AUTS2: variants seen among roughly 807,000 people sequenced by gnomAD.
AUTS2 encodes the protein activator of transcription and developmental regulator AUTS2.
In AUTS2, 17 loss-of-function variants were observed where a neutral mutation model predicts 112.4. That is an observed-to-expected ratio of 0.15 (90% CI 0.10 to 0.23). The LOEUF (loss-of-function observed/expected upper bound fraction) is 0.23, where lower values mean the gene tolerates loss of function less well. Among genes scored for constraint, AUTS2 ranks in the 10% least tolerant of loss-of-function variants. The probability of loss-of-function intolerance (pLI) is 1.00; values close to 1 mark genes in which losing one functional copy is unlikely to be tolerated. For synonymous variants in AUTS2, 751 were observed against 702.7 expected, an observed-to-expected ratio of 1.07 and a Z score of -1.09; for missense variants, 1,510 against 1,701.6, an observed-to-expected ratio of 0.89 and a Z score of 1.98.
intron 4 of AUTS2, among the ~76,000 whole-genome samples, chr7:70,222,598 G>A (rs955214671): frequency 7.3e-5 from 11 of 151,316 alleles, no homozygotes; most frequent in Non-Finnish European, 1.5e-4. Context: ...ACAACTGGTA[G>A]AGTTTTTTTT....
chr7:70,746,430 G>C (rs564387036), intron 6 of AUTS2, among the ~76,000 whole-genome samples: 1 of 152,260 alleles, frequency 6.6e-6, no homozygotes, highest in Admixed American at 6.5e-5. Context: ...ACAGGAGTGA[G>C]CCACCACACC....
At chr7:69,628,155 C>A (rs1296386034) in intron 1 of AUTS2, among the ~76,000 whole-genome samples, 1 of 152,032 alleles carries the variant, frequency 6.6e-6, no homozygotes, top group Admixed American at 6.5e-5. Context: ...AAGAACAGTC[C>A]CCTGAAACGA....
intron 4 of AUTS2, among the ~76,000 whole-genome samples, chr7:70,333,504 A>G (rs1470803208): frequency 6.6e-6 from 1 of 152,232 alleles, no homozygotes; most frequent in African/African-American, 2.4e-5. Context: ...AGACACATGC[A>G]CACATATGTT....
chr7:70,593,330 T>A (rs931440272), intron 5 of AUTS2, among the ~76,000 whole-genome samples: 8 of 152,148 alleles, frequency 5.3e-5, no homozygotes, highest in Non-Finnish European at 8.8e-5. Context: ...TATTCCTGTT[T>A]TTATATCGTG....
chr7:69,665,973 T>C (rs1796015005), intron 1 of AUTS2, among the ~76,000 whole-genome samples: 1 of 152,150 alleles, frequency 6.6e-6, no homozygotes, highest in Non-Finnish European at 1.5e-5. Context: ...GGAGTTAGAG[T>C]GCTATGTCCT....
At chr7:70,665,394 G>A (rs1288510511) in intron 5 of AUTS2, among the ~76,000 whole-genome samples, 1 of 151,958 alleles carries the variant, frequency 6.6e-6, no homozygotes, top group South Asian at 2.1e-4. Context: ...CTCCTGAGTA[G>A]CCGAGACTAC....
chr7:70,706,501 C>T (rs1809746178), intron 6 of AUTS2, among the ~76,000 whole-genome samples: 2 of 152,196 alleles, frequency 1.3e-5, no homozygotes, highest in Admixed American at 1.3e-4. Flanking sequence ...GTAATGCTAT[C>T]TGCCACAGGC....
chr7:70,775,055 A>G, intron 12 of AUTS2: 1 of 412,482 alleles, frequency 2.4e-6, no homozygotes, highest in East Asian at 4.4e-5. Context: ...TTGGAGCTCA[A>G]AACAGTGAAA....
chr7:69,761,562 G>A (rs528524955), intron 1 of AUTS2, among the ~76,000 whole-genome samples: 38 of 152,210 alleles, frequency 2.5e-4, no homozygotes, highest in South Asian at 1.5e-3. Context: ...TGGGGTGCAG[G>A]GTCAGGGACT....
intron 6 of AUTS2, among the ~76,000 whole-genome samples, chr7:70,747,366 A>G (rs1788517437): frequency 6.6e-6 from 1 of 152,236 alleles, no homozygotes; most frequent in Admixed American, 6.5e-5. Context: ...CTCCAGCTGT[A>G]TCCAAGGACA....
At chr7:70,128,354 A>G (rs1806088128) in intron 3 of AUTS2, among the ~76,000 whole-genome samples, 1 of 152,228 alleles carries the variant, frequency 6.6e-6, no homozygotes, top group African/African-American at 2.4e-5. Context: ...TGGGAGAGAC[A>G]AATCTATTAA....
intron 5 of AUTS2, among the ~76,000 whole-genome samples, chr7:70,656,055 CTT>C (rs1031759057): frequency 6.6e-5 from 10 of 151,942 alleles, no homozygotes; most frequent in African/African-American, 2.4e-4. Flanking sequence ...CCAGCCAAGT[CTT>C]TTTGGGGAAT....
chr7:69,770,167 A>G (rs528959755), intron 1 of AUTS2, among the ~76,000 whole-genome samples: 3 of 152,128 alleles, frequency 2.0e-5, no homozygotes, highest in East Asian at 1.9e-4. Flanking sequence ...TTGAGAGGCT[A>G]TGGCTTTTTT....
intron 2 of AUTS2, among the ~76,000 whole-genome samples, chr7:69,910,859 C>T (rs972078176): frequency 1.5e-4 from 23 of 152,170 alleles, no homozygotes; most frequent in African/African-American, 5.1e-4. Context: ...AACTCCTGAC[C>T]TCGTGATCCG....
intron 5 of AUTS2, among the ~76,000 whole-genome samples, chr7:70,627,465 T>C (rs150442212): frequency 4.6e-5 from 7 of 152,364 alleles, no homozygotes; most frequent in African/African-American, 1.7e-4. Context: ...TCTCTGTTGA[T>C]AGCTTCTTTT....
intron 5 of AUTS2, among the ~76,000 whole-genome samples, chr7:70,567,858 A>T (rs1417960656): frequency 6.6e-6 from 1 of 152,142 alleles, no homozygotes; most frequent in Non-Finnish European, 1.5e-5. Context: ...GCTGTTTTTT[A>T]ATGTCTGAAG....
intron 4 of AUTS2, among the ~76,000 whole-genome samples, chr7:70,388,130 A>G (rs1293742885): frequency 6.6e-6 from 1 of 152,196 alleles, no homozygotes; most frequent in Non-Finnish European, 1.5e-5. Flanking sequence ...TATTTCTGCC[A>G]ACATGATTCT....
intron 4 of AUTS2, among the ~76,000 whole-genome samples, chr7:70,310,822 A>G (rs1789713113): frequency 6.6e-6 from 1 of 152,158 alleles, no homozygotes; most frequent in African/African-American, 2.4e-5. Flanking sequence ...TGCAAAAGAT[A>G]ACATGGTTTT....
At chr7:70,217,573 C>G (rs1016350201) in intron 4 of AUTS2, among the ~76,000 whole-genome samples, 1 of 152,282 alleles carries the variant, frequency 6.6e-6, no homozygotes, top group Middle Eastern at 3.4e-3. Flanking sequence ...AGCTAGGATT[C>G]TGGGTGTGAA....
Sources: gnomAD v4.1 joint callset for allele counts (sites outside exome capture counted in the v4.1 genomes callset) on GRCh38, gnomAD v4.1.1 for gene constraint, MANE v1.5 for transcripts, NCBI Gene and HGNC (gene_info 2026-07-23, HGNC 2026-07-21) for gene names.